The following CCDC50 variants were observed in gnomAD, a reference collection of about 807,000 sequenced individuals.
CCDC50 encodes coiled-coil domain containing 50, also known as coiled-coil domain-containing protein 50.
In CCDC50, 54 loss-of-function variants were observed where a neutral mutation model predicts 70.2. The observed-to-expected ratio is 0.77, with a 90% CI of 0.62 to 0.96. The LOEUF is 0.96. Among genes scored for constraint, CCDC50 ranks in the 50% least tolerant of loss-of-function variants. The pLI, the probability that CCDC50 is intolerant of heterozygous loss-of-function variation, is 0.00. For synonymous variants in CCDC50, 216 were observed against 198.8 expected, an observed-to-expected ratio of 1.09 and a Z score of -0.73; for missense variants, 558 against 578.7, an observed-to-expected ratio of 0.96 and a Z score of 0.37.
intron 11 of CCDC50, among the ~76,000 whole-genome samples, chr3:191,391,256 C>A (rs866477963): frequency 6.6e-6 from 1 of 152,146 alleles, no homozygotes; most frequent in African/African-American, 2.4e-5. Context: ...AAAATACCAT[C>A]GCAAAAATGA....
In CCDC50 at chr3:191,357,007, T is replaced by TA. The variant is rs879004278; in HGVS notation, c.50-69dup. 0.011 allele frequency: 8,408 copies of TA among 753,264 alleles called. 121 individuals carry two copies. The highest frequency in any genetic ancestry group is 0.08 in the African/African-American group (4,360 of 54,748). 46.7% of individuals were successfully genotyped at this position (753,264 alleles called of 1,614,324 possible). A position where few individuals can be genotyped will look rare whatever the true frequency, so the allele number is the denominator to read the frequency against. On this transcript the variant is annotated intron_variant, in intron 1 of 11. Transcript: ENST00000392455. ...ATATTAGAATTGATTTTTTTTAAAG[T>TA]AAAAAAAAAAAATCCTTTCCTTTGT...
At chr3:191,345,841 T>C (rs932037507) in intron 1 of CCDC50, among the ~76,000 whole-genome samples, 4 of 152,224 alleles carry the variant, frequency 2.6e-5, no homozygotes, top group Admixed American at 2.6e-4. Context: ...GCAGTGTGTT[T>C]GTTGAAGTGT....
At position 191,382,772 on chromosome 3, in the gene CCDC50, C is replaced by A. The variant is rs364519; in HGVS notation, c.1269C>A (p.Ser423=). 787,340 of 1,608,742 alleles carry A rather than the reference C, an allele frequency of 0.49. 199,260 individuals carry two copies. The highest frequency in any genetic ancestry group is 0.81 in the African/African-American group (60,597 of 74,866). The change falls in exon 10 of 12, where the codon TCC becomes TCA. Residue 423 remains serine (S), a synonymous_variant. Coordinates refer to ENST00000392455, the MANE Select transcript of CCDC50 (RefSeq NM_178335.3). ...CAAAAACAGCTAAAGCAGCAAATTCCAAGTCAAAAGAGAGTGATGAACCTC... is the reference window on the plus strand; with the variant it reads ...CAAAAACAGCTAAAGCAGCAAATTCAAAGTCAAAAGAGAGTGATGAACCTC... ...WKPKTAKAAN[S]KSKESDEPHH... is the part of the protein sequence containing the mutation.
At chr3:191,371,028 C>T (rs991413761) in intron 5 of CCDC50, among the ~76,000 whole-genome samples, 3 of 152,172 alleles carry the variant, frequency 2.0e-5, no homozygotes, top group Non-Finnish European at 2.9e-5. Flanking sequence ...AGAAGGTATA[C>T]CATGCATCAG....
chr3:191,348,404 G>A (rs1711997024), intron 1 of CCDC50, among the ~76,000 whole-genome samples: 1 of 142,544 alleles, frequency 7.0e-6, no homozygotes, highest in African/African-American at 2.5e-5. Context: ...TGAAATATTG[G>A]TAAATATTGC....
intron 4 of CCDC50, among the ~76,000 whole-genome samples, chr3:191,368,861 T>C (rs1341972366): frequency 1.3e-5 from 2 of 152,234 alleles, no homozygotes; most frequent in East Asian, 3.9e-4. Flanking sequence ...CATGAACATA[T>C]AAGTTTACAG....
At chr3:191,376,115 T>C (rs970172638) in intron 6 of CCDC50, among the ~76,000 whole-genome samples, 3 of 152,206 alleles carry the variant, frequency 2.0e-5, no homozygotes, top group Non-Finnish European at 4.4e-5. Flanking sequence ...CCTCAGTTCA[T>C]TTTCATCAGA....
intron 5 of CCDC50, among the ~76,000 whole-genome samples, chr3:191,374,050 A>G (rs1251390424): frequency 6.6e-6 from 1 of 152,178 alleles, no homozygotes; most frequent in Non-Finnish European, 1.5e-5. Flanking sequence ...CTTAGCTTTC[A>G]TAGCAATTTT....
At chr3:191,383,003 G>A (rs1713372374) in intron 10 of CCDC50, among the ~76,000 whole-genome samples, 178 bp downstream of exon 10, 1 of 152,124 alleles carries the variant, frequency 6.6e-6, no homozygotes, top group African/African-American at 2.4e-5. Flanking sequence ...CTTAAATTGA[G>A]TTGTGTACAT....
intron 5 of CCDC50, among the ~76,000 whole-genome samples, chr3:191,372,530 T>C (rs984134000): frequency 2.0e-5 from 3 of 152,190 alleles, no homozygotes; most frequent in African/African-American, 7.2e-5. Context: ...TATTCTTTCA[T>C]TGTACTTCTC....
chr3:191,330,296 A>AACACACACACACACAC (rs3048670), intron 1 of CCDC50: 1 of 137,030 alleles, frequency 7.3e-6, no homozygotes, highest in Non-Finnish European at 1.6e-5. Flanking sequence ...TTACAAACAA[A>AACACACACACACACAC]ACACACACAC....
chr3:191,370,268 G>GTTTGTTACATATAGATAC (rs1576966017), intron 5 of CCDC50: 1 of 398,322 alleles, frequency 2.5e-6, no homozygotes, highest in East Asian at 5.9e-5. Context: ...CAACGTGCAG[G>GTTTGTTACATATAGATAC]TTTGTTACAT....
chr3:191,366,464 T>C (rs115706105), intron 4 of CCDC50, among the ~76,000 whole-genome samples: 2,009 of 152,274 alleles, frequency 0.013, 50 homozygotes, highest in African/African-American at 0.045. Context: ...TAGGAAGTCT[T>C]CTGTGGAACA....
Position 191,396,908 on chromosome 3 carries a change from C to G in CCDC50, c.*5148C>G, listed in dbSNP as rs1468719309. ...TATATATATAAATATGTGAACACTG[C>G]CTAGTAACATTTTAATAGATTTAAG... On this transcript the variant is annotated 3_prime_UTR_variant, in exon 12 of 12. Coordinates refer to ENST00000392455, the MANE Select transcript of CCDC50 (RefSeq NM_178335.3). 1 of 152,126 alleles carries G rather than the reference C, an allele frequency of 6.6e-6. No homozygotes were observed. The highest frequency in any genetic ancestry group is 1.5e-5 in the Non-Finnish European group (1 of 68,030). 9.4% of individuals were successfully genotyped at this position (152,126 alleles called of 1,614,324 possible).
rs974310833 is a variant in CCDC50, at chr3:191,393,327, A to G, written c.*1567A>G. Reference sequence around the variant, plus strand: ...AATATGAAATTCTTGGCATTTCAATATGGCATTTGTTTAGGGAAAAAATAT... The same window carrying G: ...AATATGAAATTCTTGGCATTTCAATGTGGCATTTGTTTAGGGAAAAAATAT... On this transcript the variant is annotated 3_prime_UTR_variant, in exon 12 of 12. Coordinates refer to ENST00000392455, the MANE Select transcript of CCDC50 (RefSeq NM_178335.3). 2 of 152,132 alleles carry G rather than the reference A, an allele frequency of 1.3e-5. No homozygotes were observed. The highest frequency in any genetic ancestry group is 4.8e-5 in the African/African-American group (2 of 41,416). 9.4% of individuals were successfully genotyped at this position (152,132 alleles called of 1,614,324 possible).
chr3:191,365,663 G>C (rs1027055537), intron 4 of CCDC50, among the ~76,000 whole-genome samples: 2 of 152,112 alleles, frequency 1.3e-5, no homozygotes, highest in African/African-American at 4.8e-5. Context: ...CAGTTAAATG[G>C]AACGATTTTT....
At chr3:191,339,923 A>T (rs547121992) in intron 1 of CCDC50, among the ~76,000 whole-genome samples, 1 of 152,336 alleles carries the variant, frequency 6.6e-6, no homozygotes, top group African/African-American at 2.4e-5. Flanking sequence ...GTTATCTTGG[A>T]TGCTAGAAAT....
chr3:191,332,850 A>T (rs891508806), intron 1 of CCDC50, among the ~76,000 whole-genome samples: 1 of 152,176 alleles, frequency 6.6e-6, no homozygotes, highest in Non-Finnish European at 1.5e-5. Context: ...TAATTTTGCC[A>T]TTTAGCCCTC....
chr3:191,368,051 CT>C (rs941025900), intron 4 of CCDC50, among the ~76,000 whole-genome samples: 4 of 150,878 alleles, frequency 2.7e-5, no homozygotes, highest in African/African-American at 9.7e-5. Context: ...AGACATTTGG[CT>C]TTTTTTTTAA....
Sources: allele counts gnomAD v4.1 joint callset (sites outside exome capture counted in the v4.1 genomes callset), GRCh38; gene constraint gnomAD v4.1.1; transcripts MANE v1.5; gene names NCBI Gene and HGNC (gene_info 2026-07-23, HGNC 2026-07-21).